Variants in HNF4G observed in about 807,000 individuals in gnomAD.
HNF4G encodes the protein hepatocyte nuclear factor 4-gamma.
HNF4G carries 21 observed loss-of-function variants against 50.9 expected under a neutral mutation model. The ratio of observed to expected loss-of-function variants is 0.41; its 90% CI spans 0.29 to 0.59. The LOEUF (loss-of-function observed/expected upper bound fraction) is 0.59. Among genes scored for constraint, HNF4G ranks in the 20% least tolerant of loss-of-function variants. HNF4G has a pLI of 0.26. For missense variants in HNF4G, 527 were observed against 559.4 expected (o/e 0.94, Z 0.58); for synonymous variants, 198 against 185.6 (o/e 1.07, Z -0.54).
At chr8:75,481,004 ACTGG>A (rs1812364749) in intron 1 of HNF4G, among the ~76,000 whole-genome samples, 1 of 152,112 alleles carries the variant, frequency 6.6e-6, no homozygotes, top group Non-Finnish European at 1.5e-5. Flanking sequence ...GGCGTGAGCC[ACTGG>A]TCCCGGCCGG....
intron 1 of HNF4G, among the ~76,000 whole-genome samples, chr8:75,450,096 T>C (rs550388235): frequency 6.6e-6 from 1 of 152,306 alleles, no homozygotes; most frequent in South Asian, 2.1e-4. Flanking sequence ...CACAGAAGTG[T>C]GATCTGTGAC....
chr8:75,497,182 A>G (rs1028770563), intron 2 of HNF4G, among the ~76,000 whole-genome samples: 19 of 152,106 alleles, frequency 1.2e-4, no homozygotes, highest in Non-Finnish European at 7.3e-5. Context: ...ATTGGCAGAA[A>G]AGGTGGGTGT....
chr8:75,438,433 C>G (rs926724586), intron 1 of HNF4G, among the ~76,000 whole-genome samples: 4 of 152,278 alleles, frequency 2.6e-5, no homozygotes, highest in Middle Eastern at 3.4e-3. Flanking sequence ...AGAACATTGT[C>G]CCTGTCCCTA....
chr8:75,447,063 G>A (rs1479197242), intron 1 of HNF4G, among the ~76,000 whole-genome samples: 2 of 139,540 alleles, frequency 1.4e-5, no homozygotes, highest in African/African-American at 5.6e-5. Context: ...AAAACAGCAT[G>A]GTACTGGTAC....
intron 1 of HNF4G, among the ~76,000 whole-genome samples, chr8:75,489,475 A>G (rs754912906): frequency 5.9e-5 from 9 of 152,156 alleles, no homozygotes; most frequent in Non-Finnish European, 1.2e-4. Context: ...TGAAGAGCCA[A>G]CCTTTTTGAC....
intron 2 of HNF4G, among the ~76,000 whole-genome samples, chr8:75,547,280 C>T (rs139332933): frequency 6.6e-6 from 1 of 152,304 alleles, no homozygotes; most frequent in East Asian, 1.9e-4. Flanking sequence ...GCAACAAAAA[C>T]TTGAATGCCA....
At chr8:75,514,354 C>T (rs1421276308) in intron 2 of HNF4G, among the ~76,000 whole-genome samples, 35 of 124,958 alleles carry the variant, frequency 2.8e-4, no homozygotes, top group Admixed American at 3.4e-4. Flanking sequence ...TTTCTTCTTT[C>T]TTTTTTTTTT....
chr8:75,427,820 A>G (rs1810923498), intron 1 of HNF4G, among the ~76,000 whole-genome samples: 1 of 152,080 alleles, frequency 6.6e-6, no homozygotes. Flanking sequence ...TGTTATGTGT[A>G]TTATATCAAA....
intron 2 of HNF4G, among the ~76,000 whole-genome samples, chr8:75,532,499 C>T (rs1806356227): frequency 6.6e-6 from 1 of 151,848 alleles, no homozygotes. Context: ...CCTTCTATTC[C>T]AGTGCTTACT....
intron 1 of HNF4G, among the ~76,000 whole-genome samples, chr8:75,442,943 T>A (rs1206411255): frequency 6.6e-6 from 1 of 152,186 alleles, no homozygotes; most frequent in Non-Finnish European, 1.5e-5. Context: ...CTCTACTATG[T>A]ATTGCCTTCG....
intron 1 of HNF4G, among the ~76,000 whole-genome samples, chr8:75,479,849 AG>A (rs1330422871): frequency 6.6e-6 from 1 of 152,138 alleles, no homozygotes; most frequent in Non-Finnish European, 1.5e-5. Context: ...AATGTTTTCA[AG>A]TTTATTTGTA....
chr8:75,523,750 A>G (rs1806108279), intron 2 of HNF4G, among the ~76,000 whole-genome samples: 1 of 151,896 alleles, frequency 6.6e-6, no homozygotes, highest in Non-Finnish European at 1.5e-5. Context: ...ATAATACTAA[A>G]TAGAGTATTA....
At chr8:75,539,832 A>G (rs1806563400), upstream of HNF4G, 1 of 589,444 alleles carries the variant, frequency 1.7e-6, no homozygotes, top group Non-Finnish European at 3.1e-6. Context: ...AGCCCCTCCC[A>G]TTGCAGCTCT....
intron 1 of HNF4G, 98 bp from the exon 2 acceptor site, chr8:75,543,713 C>CA: frequency 1.0e-6 from 1 of 1,002,748 alleles, no homozygotes; most frequent in Non-Finnish European, 1.4e-6. Context: ...TCCAAGAAGC[C>CA]AATGAATGGA....
Position 75,547,989 on chromosome 8 carries a change from A to ATTT in HNF4G, c.382+323_382+325dup, listed in dbSNP as rs34854066. 8.5e-3 allele frequency among the ~76,000 whole-genome samples: 1,193 copies of ATTT among 140,244 alleles called. 22 individuals are homozygous for ATTT. Among genetic ancestry groups the ATTT allele is most frequent in the Non-Finnish European group, 0.013 (812 of 64,268 alleles). The allele number at this position is 140,244 out of a possible 152,430, so 92.0% of individuals were successfully genotyped here. A position where few individuals can be genotyped will look rare whatever the true frequency, so the allele number is the denominator to read the frequency against. Reference sequence around the variant, plus strand: ...TTCTGTTAGTGGGTTGAAATTACAGATTTTTTTTTTTTTTTTTGAGATGGA... The same window carrying ATTT: ...TTCTGTTAGTGGGTTGAAATTACAGATTTTTTTTTTTTTTTTTTTTGAGATGGA... On this transcript the variant is annotated intron_variant, in intron 3 of 9. Transcript: ENST00000396423.
At chr8:75,469,165 G>C (rs531746357) in intron 1 of HNF4G, among the ~76,000 whole-genome samples, 14 of 151,744 alleles carry the variant, frequency 9.2e-5, no homozygotes, top group African/African-American at 3.4e-4. Context: ...CTTTTTTTTT[G>C]GTGGCAGATC....
intron 1 of HNF4G, among the ~76,000 whole-genome samples, chr8:75,423,815 C>CTTTTTTTTTTTTTTTTTT (rs548125507): frequency 1.4e-5 from 1 of 71,176 alleles, no homozygotes; most frequent in Non-Finnish European, 2.5e-5. Context: ...AAGTTTCTTT[C>CTTTTTTTTTTTTTTTTTT]TTTTTTTTTT....
chr8:75,454,896 GTGAT>G lies in HNF4G; in HGVS notation c.-143-35189_-143-35186del, dbSNP rs528986600. On this transcript the variant is annotated intron_variant, in intron 1 of 10. Transcript: ENST00000354370. ...ATGGTATCATTAAACCTATTTTTGA[GTGAT>G]TGAATAAAAGGAGTTTTATAAGGAA... 2.4e-3 allele frequency among the ~76,000 whole-genome samples: 361 copies of G among 152,182 alleles called. 2 individuals are homozygous for G. Among genetic ancestry groups the G allele is most frequent in the African/African-American group, 8.3e-3 (345 of 41,514 alleles).
chr8:75,448,263 C>T lies in HNF4G; in HGVS notation c.-144+40101C>T, dbSNP rs866089590. On this transcript the variant is annotated intron_variant, in intron 1 of 10. Transcript: ENST00000354370. ...TCACCTGGACACATGAAGGGGAATA[C>T]CACACTCTGGGGACTGTGGTGGGGT... Among the ~76,000 whole-genome samples, 343 of 123,876 alleles carry T rather than the reference C, an allele frequency of 2.8e-3. 1 individual carries two copies. Among genetic ancestry groups the T allele is most frequent in the African/African-American group, 9.6e-3 (312 of 32,344 alleles). 81.3% of individuals were successfully genotyped at this position (123,876 alleles called of 152,430 possible). A position where few individuals can be genotyped will look rare whatever the true frequency, so the allele number is the denominator to read the frequency against.
Sources: gnomAD v4.1 joint callset for allele counts (sites outside exome capture counted in the v4.1 genomes callset) on GRCh38, gnomAD v4.1.1 for gene constraint, MANE v1.5 for transcripts, NCBI Gene and HGNC (gene_info 2026-07-23, HGNC 2026-07-21) for gene names.